The following EFHC2 variants were observed in gnomAD, a reference collection of about 807,000 sequenced individuals.
EFHC2 encodes EF-hand domain-containing family member C2.
EFHC2 carries 18 observed loss-of-function variants against 52.7 expected under a neutral mutation model. The ratio of observed to expected loss-of-function variants is 0.34; its 90% confidence interval spans 0.24 to 0.51. The LOEUF is 0.51. EFHC2 is among the 20% of genes least tolerant of loss of function. The pLI is 0.97. For synonymous variants in EFHC2, 203 were observed against 204.1 expected, an observed-to-expected ratio of 0.99 and a Z score of 0.04; for missense variants, 513 against 562.5, an observed-to-expected ratio of 0.91 and a Z score of 0.89.
At chrX:44,322,110 A>G (rs2038024575) in intron 1 of EFHC2, among the ~76,000 whole-genome samples, 1 of 109,146 alleles carries the variant, frequency 9.2e-6, no homozygotes, top group African/African-American at 3.4e-5. Flanking sequence ...AGAACAGAGA[A>G]TAAAATGTTT....
At chrX:44,322,930 T>C (rs2038030728) in intron 1 of EFHC2, among the ~76,000 whole-genome samples, 2 of 110,453 alleles carry the variant, frequency 1.8e-5, no homozygotes, top group Admixed American at 9.7e-5. Flanking sequence ...GGAGGATCAC[T>C]TGAACCTGGG....
At chrX:44,188,797 A>G (rs2036897291) in intron 11 of EFHC2, among the ~76,000 whole-genome samples, 1 of 110,795 alleles carries the variant, frequency 9.0e-6, no homozygotes, top group Admixed American at 9.7e-5. Flanking sequence ...GGAATGGGAG[A>G]AAGAATCATA....
chrX:44,288,569 A>G (rs1235493712), intron 2 of EFHC2, among the ~76,000 whole-genome samples: 1 of 111,499 alleles, frequency 9.0e-6, no homozygotes, highest in African/African-American at 3.3e-5. Context: ...CAATTTTGCT[A>G]ATTAATACTA....
intron 11 of EFHC2, among the ~76,000 whole-genome samples, chrX:44,214,615 A>C (rs2037129157): frequency 8.9e-6 from 1 of 112,227 alleles, no homozygotes; most frequent in African/African-American, 3.2e-5. Context: ...ATGTTAAAAG[A>C]AGCTCTTCGA....
chrX:44,157,237 C>G (rs1023780023), intron 14 of EFHC2, among the ~76,000 whole-genome samples: 4 of 112,347 alleles, frequency 3.6e-5, no homozygotes, highest in African/African-American at 1.3e-4. Context: ...GGAGCCACCT[C>G]TGAGTCCAGG....
intron 1 of EFHC2, among the ~76,000 whole-genome samples, chrX:44,320,303 G>T (rs779103151): frequency 8.9e-6 from 1 of 111,768 alleles, no homozygotes; most frequent in African/African-American, 3.3e-5. Context: ...AAAGAATAGT[G>T]ATCCAGGAAG....
chrX:44,232,524 G>A lies in EFHC2; in HGVS notation c.1577C>T (p.Ala526Val). The A allele has an allele frequency of 8.5e-7, 1 of 1,178,759 alleles. No individual in the cohort carries two copies. The change falls in exon 10 of 15, where the codon GCT (alanine) becomes GTT (valine). Residue 526 changes from alanine to valine, a missense_variant. By Grantham distance (64) the Ala-to-Val change is moderately conservative. Transcript: ENST00000420999. ...VNGYLFRLLN[A>V]DEYTLNYMEQ... ...CATGTAGTTTAAGGTATACTCATCA[G>A]CATTGAGCAAACGAAATAGGTAACC... is the stretch of plus-strand genomic sequence containing the variant.
chrX:44,318,917 G>A (rs2037999081), intron 1 of EFHC2, among the ~76,000 whole-genome samples: 1 of 110,855 alleles, frequency 9.0e-6, no homozygotes, highest in African/African-American at 3.3e-5. Context: ...GGGACACAGG[G>A]ACAATATGAG....
intron 1 of EFHC2, among the ~76,000 whole-genome samples, chrX:44,314,254 G>A (rs187745403): frequency 4.2e-4 from 47 of 112,354 alleles, no homozygotes; most frequent in African/African-American, 1.4e-3. Flanking sequence ...CTTATCCAGA[G>A]GTAACCATTA....
chrX:44,197,558 G>A (rs1226857357), intron 11 of EFHC2, among the ~76,000 whole-genome samples: 3 of 111,821 alleles, frequency 2.7e-5, no homozygotes, highest in Non-Finnish European at 5.6e-5. Flanking sequence ...TGGCAGCACA[G>A]AACCAGCAGT....
intron 2 of EFHC2, among the ~76,000 whole-genome samples, chrX:44,300,076 T>C (rs1350899299): frequency 9.0e-6 from 1 of 110,928 alleles, no homozygotes; most frequent in Non-Finnish European, 1.9e-5. Context: ...TAAAGGAAGG[T>C]AAATAATTTT....
At chrX:44,337,143 A>G (rs990002103) in intron 1 of EFHC2, among the ~76,000 whole-genome samples, 1 of 111,824 alleles carries the variant, frequency 8.9e-6, no homozygotes, top group Non-Finnish European at 1.9e-5. Context: ...CATCTTAGAT[A>G]TAAACAGAAA....
In EFHC2 at chrX:44,161,286, A is replaced by G. The variant is rs186076644; in HGVS notation, c.2148+2636T>C. Reference sequence around the variant, plus strand: ...CTGTGGAAATCGAGAAGAGTTTAATAAAGTGACTAGTTACAAAGTTGTGGG... The same window carrying G: ...CTGTGGAAATCGAGAAGAGTTTAATGAAGTGACTAGTTACAAAGTTGTGGG... On this transcript the variant is annotated intron_variant, in intron 14 of 14. Coordinates refer to ENST00000420999, the MANE Select transcript of EFHC2 (RefSeq NM_025184.4). 2.1e-4 allele frequency among the ~76,000 whole-genome samples: 24 copies of G among 112,178 alleles called. 1 individual carries two copies. Among genetic ancestry groups the G allele is most frequent in the Admixed American group, 2.0e-3 (21 of 10,619 alleles).
chrX:44,204,863 AT>A (rs2037035220), intron 11 of EFHC2, among the ~76,000 whole-genome samples: 1 of 111,809 alleles, frequency 8.9e-6, no homozygotes, highest in Non-Finnish European at 1.9e-5. Flanking sequence ...CAACATGCAG[AT>A]ACAAGAAATT....
chrX:44,338,646 G>A (rs1020102138), intron 1 of EFHC2, among the ~76,000 whole-genome samples: 8 of 107,345 alleles, frequency 7.5e-5, no homozygotes, highest in South Asian at 4.1e-4. Context: ...AAAAAGGTCC[G>A]TGCAACACTT....
chrX:44,327,903 TATAACA>T (rs766651040), intron 1 of EFHC2, among the ~76,000 whole-genome samples: 33 of 112,288 alleles, frequency 2.9e-4, no homozygotes, highest in Non-Finnish European at 5.8e-4. Flanking sequence ...ATCAACTCAA[TATAACA>T]ATAAGATTGA....
intron 2 of EFHC2, among the ~76,000 whole-genome samples, chrX:44,280,653 A>G (rs951687925): frequency 8.9e-6 from 1 of 112,313 alleles, no homozygotes; most frequent in Non-Finnish European, 1.9e-5. Flanking sequence ...CAGTACAACC[A>G]TACCTGAATT....
chrX:44,276,394 AT>A (rs1255764443), intron 2 of EFHC2, among the ~76,000 whole-genome samples: 2 of 112,159 alleles, frequency 1.8e-5, no homozygotes, highest in Non-Finnish European at 3.8e-5. Context: ...ATGCCACTGC[AT>A]TCCAGCTTGG....
At chrX:44,283,532 C>CTTTT (rs3049061) in intron 2 of EFHC2, among the ~76,000 whole-genome samples, 1,310 of 88,522 alleles carry the variant, frequency 0.015, 94 homozygotes, top group African/African-American at 0.055. Flanking sequence ...ACGGAAGTAC[C>CTTTT]TTTTTTTTTT....
Sources: allele counts gnomAD v4.1 joint callset (sites outside exome capture counted in the v4.1 genomes callset), GRCh38; gene constraint gnomAD v4.1.1; transcripts MANE v1.5; gene names NCBI Gene and HGNC (gene_info 2026-07-23, HGNC 2026-07-21).